SNX18: variants seen among roughly 807,000 people sequenced by gnomAD.
The protein encoded by SNX18 is sorting nexin-18.
SNX18 carries 35 observed loss-of-function variants against 48.7 expected under a neutral mutation model. That is an observed-to-expected ratio of 0.72 (90% CI 0.55 to 0.95). SNX18 has a LOEUF of 0.95. SNX18 is among the 40% of genes least tolerant of loss of function. The probability of loss-of-function intolerance (pLI) is 0.00; values close to 1 mark genes in which losing one functional copy is unlikely to be tolerated. For synonymous variants in SNX18, 492 were observed against 384.7 expected, an observed-to-expected ratio of 1.28 and a Z score of -3.26; for missense variants, 824 against 871.0, an observed-to-expected ratio of 0.95 and a Z score of 0.68.
the SNX18 span, among the ~76,000 whole-genome samples, chr5:54,598,690 G>A: frequency 6.6e-6 from 1 of 151,980 alleles, no homozygotes; most frequent in Non-Finnish European, 1.5e-5. Flanking sequence ...ATCCCTTTTT[G>A]TTAAAAAACT....
rs1762569325 is a variant in SNX18, at chr5:54,545,862, C to G, written c.*2430C>G. 1 of 152,146 alleles carries G rather than the reference C, an allele frequency of 6.6e-6. No homozygotes were observed. Among genetic ancestry groups the G allele is most frequent in the African/African-American group, 2.4e-5 (1 of 41,430 alleles). 9.4% of individuals were successfully genotyped at this position (152,146 alleles called of 1,614,324 possible). A position where few individuals can be genotyped will look rare whatever the true frequency, so the allele number is the denominator to read the frequency against. ...ATTTTTAAAAATAAACTATCATGCC[C>G]TTCATGCCATTATTTGTCTTTATTT... On this transcript the variant is annotated 3_prime_UTR_variant, in exon 2 of 2. Transcript: ENST00000381410.
chr5:54,602,029 A>G, the SNX18 span, among the ~76,000 whole-genome samples: 2 of 152,178 alleles, frequency 1.3e-5, no homozygotes, highest in East Asian at 3.8e-4. Flanking sequence ...TTTGACAGTT[A>G]TCTTACACAC....
At chr5:54,607,406 C>T in the SNX18 span, among the ~76,000 whole-genome samples, 17 of 151,934 alleles carry the variant, frequency 1.1e-4, no homozygotes, top group South Asian at 2.1e-4. Context: ...TCATTATGTG[C>T]GTAATAAACC....
chr5:54,528,121 C>T lies in SNX18; in HGVS notation c.1621+8548C>T, dbSNP rs533135906. On this transcript the variant is annotated intron_variant, in intron 1 of 1. Coordinates refer to ENST00000381410, the MANE Select transcript of SNX18 (RefSeq NM_001102575.2). The stretch of plus-strand genomic sequence containing the variant: ...TATTGATTCTTGGTGTTTAAACTTA[C>T]GCATGCATACACGCACATACACACA... 5.0e-5 allele frequency among the ~76,000 whole-genome samples: 7 copies of T among 139,610 alleles called. No homozygotes were observed. In the South Asian group the frequency reaches 1.2e-3, roughly 24 times the overall value. 91.6% of individuals were successfully genotyped at this position (139,610 alleles called of 152,430 possible). A position where few individuals can be genotyped will look rare whatever the true frequency, so the allele number is the denominator to read the frequency against.
At position 54,545,381 on chromosome 5, in the gene SNX18, ATTTG is replaced by A. The variant is rs1439780549; in HGVS notation, c.*1950_*1953del. The A allele has an allele frequency of 6.7e-6, 1 of 148,968 alleles. No homozygotes were observed. The highest frequency in any genetic ancestry group is 1.5e-5 in the Non-Finnish European group (1 of 67,446). The allele number at this position is 148,968 out of a possible 1,614,324, so 9.2% of individuals were successfully genotyped here. A position where few individuals can be genotyped will look rare whatever the true frequency, so the allele number is the denominator to read the frequency against. On this transcript the variant is annotated 3_prime_UTR_variant, in exon 2 of 2. Coordinates refer to ENST00000381410, the MANE Select transcript of SNX18 (RefSeq NM_001102575.2). ...TTCAAATGATTTAAAAATTACTTTT[ATTTG>A]CCTCTTTATTTTGATGGTGGTTGGA... is the stretch of plus-strand genomic sequence containing the variant.
chr5:54,621,801 A>T, the SNX18 span, among the ~76,000 whole-genome samples: 4 of 152,204 alleles, frequency 2.6e-5, no homozygotes, highest in African/African-American at 9.7e-5. Context: ...TGCCCTGGAG[A>T]CAAAAGCAGC....
the SNX18 span, among the ~76,000 whole-genome samples, chr5:54,565,426 T>C: frequency 6.6e-6 from 1 of 151,598 alleles, no homozygotes; most frequent in African/African-American, 2.4e-5. Context: ...AAAAAAAAAA[T>C]ACTGGGTGCA....
At chr5:54,585,958 T>TCGTGCCACTGCA in the SNX18 span, among the ~76,000 whole-genome samples, 1 of 149,122 alleles carries the variant, frequency 6.7e-6, no homozygotes, top group South Asian at 2.1e-4. Flanking sequence ...TGAGCTGAGA[T>TCGTGCCACTGCA]CGTGCCACTG....
At chr5:54,602,632 A>C in the SNX18 span, among the ~76,000 whole-genome samples, 2 of 152,156 alleles carry the variant, frequency 1.3e-5, no homozygotes, top group Admixed American at 6.5e-5. Context: ...GTGAAAGTCT[A>C]TTGAAAACTT....
chr5:54,553,202 G>C, the SNX18 span, among the ~76,000 whole-genome samples: 2 of 152,190 alleles, frequency 1.3e-5, no homozygotes, highest in African/African-American at 4.8e-5. Flanking sequence ...GCTCCCAGGG[G>C]CGTTGAGCAG....
Position 54,543,808 on chromosome 5 carries a change from C to A in SNX18, c.*376C>A. The A allele has an allele frequency of 5.9e-6, 1 of 169,960 alleles. No homozygotes were observed. Among genetic ancestry groups the A allele is most frequent in the Non-Finnish European group, 1.3e-5 (1 of 79,580 alleles). 10.5% of individuals were successfully genotyped at this position (169,960 alleles called of 1,614,324 possible). A position where few individuals can be genotyped will look rare whatever the true frequency, so the allele number is the denominator to read the frequency against. ...CTGGATACAAGCCTGCTGTGGATGC[C>A]TTTTTACTCTCATAGATTGGGATTA... On this transcript the variant is annotated 3_prime_UTR_variant, in exon 2 of 2. Transcript: ENST00000381410.
intron 1 of SNX18, among the ~76,000 whole-genome samples, chr5:54,534,614 T>G (rs1762317020): frequency 6.6e-6 from 1 of 150,480 alleles, no homozygotes; most frequent in African/African-American, 2.5e-5. Context: ...GGTCAGAAGT[T>G]TCCAGGAAAG....
chr5:54,521,465 G>A (rs79078811), intron 1 of SNX18, among the ~76,000 whole-genome samples: 8,220 of 152,222 alleles, frequency 0.054, 314 homozygotes, highest in Middle Eastern at 0.092. Context: ...TTGGGAGGTC[G>A]AGGCAGGAGG....
At position 54,517,925 on chromosome 5, in the gene SNX18, CG is replaced by C. The variant is rs1317542691; in HGVS notation, c.-25del. 3 of 1,486,706 alleles carry C rather than the reference CG, an allele frequency of 2.0e-6. No individual in the cohort carries two copies. The Admixed American group carries it at 6.9e-5, about 34-fold the overall frequency. 92.1% of individuals were successfully genotyped at this position (1,486,706 alleles called of 1,614,324 possible). A position where few individuals can be genotyped will look rare whatever the true frequency, so the allele number is the denominator to read the frequency against. ...GGCCTCGGCTCGGGACGCCGGGAGTCGGGACCGCCAGTCGGGGCGCCGGGAC... is the reference window on the plus strand; with the variant it reads ...GGCCTCGGCTCGGGACGCCGGGAGTCGGACCGCCAGTCGGGGCGCCGGGAC... On this transcript the variant is annotated 5_prime_UTR_variant, in exon 1 of 2. Coordinates refer to ENST00000381410, the MANE Select transcript of SNX18 (RefSeq NM_001102575.2).
chr5:54,575,892 C>A, the SNX18 span, among the ~76,000 whole-genome samples: 1 of 152,158 alleles, frequency 6.6e-6, no homozygotes, highest in Non-Finnish European at 1.5e-5. Context: ...CTAGTCCAGA[C>A]CCTTTGTCTT....
Position 54,519,114 on chromosome 5 carries a change from A to T in SNX18, c.1162A>T (p.Lys388Ter). Residue 388 changes from lysine to a stop codon, truncating the protein, a stop_gained, in exon 1 of 2, where the codon AAA (lysine) becomes TAA (stop). Coordinates refer to ENST00000381410, the MANE Select transcript of SNX18 (RefSeq NM_001102575.2). LOFTEE classifies it high-confidence loss of function. The part of the protein sequence containing the change: ...FLTCPSSTDE[K>*]AWKQGKRKAE... ...GACGTGCCCCAGCAGCACCGACGAG[A>T]AAGCCTGGAAGCAGGGCAAGAGGAA... 1 of 1,614,096 alleles carries T rather than the reference A, an allele frequency of 6.2e-7. No individual in the cohort carries two copies. The highest frequency in any genetic ancestry group is 8.5e-7 in the Non-Finnish European group (1 of 1,180,002).
the SNX18 span, among the ~76,000 whole-genome samples, chr5:54,602,649 A>G: frequency 1.3e-5 from 2 of 152,170 alleles, no homozygotes; most frequent in Non-Finnish European, 2.9e-5. Context: ...ACTTTAGAAC[A>G]GGAAGGAGAG....
At chr5:54,630,112 A>G in the SNX18 span, among the ~76,000 whole-genome samples, 1 of 152,302 alleles carries the variant, frequency 6.6e-6, no homozygotes, top group Admixed American at 6.5e-5. Context: ...CCAGCTTCTG[A>G]TAACTGCATC....
At chr5:54,524,497 T>G (rs753840104) in intron 1 of SNX18, among the ~76,000 whole-genome samples, 31 of 152,214 alleles carry the variant, frequency 2.0e-4, no homozygotes, top group Non-Finnish European at 3.8e-4. Context: ...CCCAAACAAG[T>G]GAGAAGTTCT....
Sources: allele counts gnomAD v4.1 joint callset (sites outside exome capture counted in the v4.1 genomes callset), GRCh38; gene constraint gnomAD v4.1.1; transcripts MANE v1.5; gene names NCBI Gene and HGNC (gene_info 2026-07-23, HGNC 2026-07-21).